Variants in PLEKHA6 observed in about 807,000 individuals in gnomAD.
PLEKHA6 encodes the protein pleckstrin homology domain containing A6.
In PLEKHA6, 60 loss-of-function variants were observed where a neutral mutation model predicts 116.7. The ratio of observed to expected loss-of-function variants is 0.51; its 90% CI spans 0.42 to 0.64. The LOEUF is 0.64. PLEKHA6 is among the 30% of genes least tolerant of loss of function. The probability of loss-of-function intolerance (pLI) is 0.00; values close to 1 mark genes in which losing one functional copy is unlikely to be tolerated. For synonymous variants in PLEKHA6, 489 were observed against 556.1 expected, an observed-to-expected ratio of 0.88 and a Z score of 1.70; for missense variants, 1,338 against 1,422.7, an observed-to-expected ratio of 0.94 and a Z score of 0.96.
At chr1:204,252,941 G>A (rs1386078004) in intron 9 of PLEKHA6, among the ~76,000 whole-genome samples, 1 of 152,234 alleles carries the variant, frequency 6.6e-6, no homozygotes, top group Non-Finnish European at 1.5e-5. Flanking sequence ...GCGAGCAGGA[G>A]TGTTCTCATC....
intron 15 of PLEKHA6, 29 bp from the exon 16 acceptor site, chr1:204,241,843 A>T: frequency 6.2e-7 from 1 of 1,613,278 alleles, no homozygotes; most frequent in Non-Finnish European, 8.5e-7. Context: ...AAGATGGTTG[A>T]TGTTAGTATG....
intron 2 of PLEKHA6, among the ~76,000 whole-genome samples, chr1:204,368,177 G>A (rs892773141): frequency 5.9e-5 from 9 of 152,264 alleles, no homozygotes; most frequent in African/African-American, 2.2e-4. Flanking sequence ...TCTACGATGC[G>A]CCAGGCCCTG....
intron 1 of PLEKHA6, chr1:204,320,487 G>A (rs1672019893): frequency 1.0e-6 from 1 of 983,666 alleles, no homozygotes; most frequent in South Asian, 4.7e-5. Context: ...CTCTGAGAAG[G>A]CTTGGTGCCT....
intron 17 of PLEKHA6, among the ~76,000 whole-genome samples, chr1:204,236,032 T>C (rs1351198230): frequency 5.3e-5 from 8 of 152,178 alleles, no homozygotes; most frequent in African/African-American, 1.4e-4. Flanking sequence ...GTGTGACCCA[T>C]GAGGAGGTAT....
intron 5 of PLEKHA6, among the ~76,000 whole-genome samples, chr1:204,266,277 C>G: frequency 6.6e-6 from 1 of 152,292 alleles, no homozygotes; most frequent in South Asian, 2.1e-4. Flanking sequence ...AGAGATGGAG[C>G]CCCTGCATGA....
intron 10 of PLEKHA6, 54 bp downstream of exon 10, chr1:204,250,492 G>T: frequency 8.1e-7 from 1 of 1,227,498 alleles, no homozygotes; most frequent in Non-Finnish European, 1.2e-6. Context: ...CCCCCGCAGA[G>T]GACAGCAGCA....
intron 15 of PLEKHA6, among the ~76,000 whole-genome samples, chr1:204,242,277 C>G (rs962345940): frequency 1.3e-5 from 2 of 152,156 alleles, no homozygotes; most frequent in African/African-American, 4.8e-5. Context: ...CTAGAAGAGA[C>G]CTCAGCCATC....
intron 1 of PLEKHA6, among the ~76,000 whole-genome samples, chr1:204,288,243 C>G (rs1050016313): frequency 6.6e-6 from 1 of 152,192 alleles, no homozygotes; most frequent in Non-Finnish European, 1.5e-5. Flanking sequence ...GCTGGCTGGC[C>G]TTAACCCCTT....
At chr1:204,355,307 AG>A (rs1471688252) in intron 1 of PLEKHA6, among the ~76,000 whole-genome samples, 2 of 152,288 alleles carry the variant, frequency 1.3e-5, no homozygotes, top group East Asian at 3.8e-4. Flanking sequence ...CTTATGAGAT[AG>A]GTAGCATTAT....
In PLEKHA6 at chr1:204,230,428, C is replaced by T. The variant is rs1196579567; in HGVS notation, c.2568G>A (p.Arg856=). The change falls in exon 18 of 23, where the codon CGG becomes CGA. Residue 856 remains arginine (R), a synonymous_variant. Coordinates refer to ENST00000272203, the MANE Select transcript of PLEKHA6 (RefSeq NM_014935.5). Reference sequence around the variant, plus strand: ...AAGGCATTACCACTTTGTAGGCTGGCCGGGGACTGGGGTCGGGGGCCGGGC... The same window carrying T: ...AAGGCATTACCACTTTGTAGGCTGGTCGGGGACTGGGGTCGGGGGCCGGGC... ...PASPAPDPSP[R]PAYKVVRRHR... is the part of the protein sequence containing the mutation. The T allele has an allele frequency of 6.3e-7, 1 of 1,581,326 alleles. No homozygotes were observed.
At chr1:204,265,144 C>A in intron 5 of PLEKHA6, 102 bp from the exon 6 acceptor site, 1 of 801,188 alleles carries the variant, frequency 1.2e-6, no homozygotes, top group Non-Finnish European at 2.2e-6. Flanking sequence ...TGATAAATAT[C>A]AATACATATT....
At chr1:204,274,966 C>T (rs1667851356) in intron 1 of PLEKHA6, 157 bp from the exon 2 acceptor site, 2 of 478,602 alleles carry the variant, frequency 4.2e-6, no homozygotes, top group Admixed American at 1.3e-4. Context: ...CCTGGGCTGA[C>T]ATCTGGATGA....
chr1:204,299,108 G>T (rs1670566953), intron 1 of PLEKHA6, among the ~76,000 whole-genome samples: 1 of 152,214 alleles, frequency 6.6e-6, no homozygotes, highest in Admixed American at 6.5e-5. Flanking sequence ...CCCCTCTGGG[G>T]CTTCAGCTGC....
At chr1:204,373,560 G>T (rs371463209) in intron 1 of PLEKHA6, among the ~76,000 whole-genome samples, 7 of 152,160 alleles carry the variant, frequency 4.6e-5, no homozygotes, top group African/African-American at 1.4e-4. Flanking sequence ...GTGTGTGGTC[G>T]TTTGATTCCA....
At chr1:204,338,731 A>T (rs1361715347) in intron 1 of PLEKHA6, among the ~76,000 whole-genome samples, 1 of 152,172 alleles carries the variant, frequency 6.6e-6, no homozygotes, top group Non-Finnish European at 1.5e-5. Flanking sequence ...ACTTCTGAAA[A>T]CGGGCAGGAT....
intron 1 of PLEKHA6, among the ~76,000 whole-genome samples, chr1:204,336,420 C>T (rs183251085): frequency 3.3e-5 from 5 of 152,322 alleles, no homozygotes; most frequent in African/African-American, 2.4e-5. Context: ...TTATCCAATA[C>T]GATCTTCTGC....
At chr1:204,343,857 C>G (rs1383422205) in intron 1 of PLEKHA6, among the ~76,000 whole-genome samples, 1 of 152,182 alleles carries the variant, frequency 6.6e-6, no homozygotes, top group African/African-American at 2.4e-5. Context: ...CAGTCCCTCC[C>G]CTATCCTGGT....
At chr1:204,241,549 G>C (rs1662821622) in intron 16 of PLEKHA6, 68 bp from the exon 17 acceptor site, 3 of 1,406,182 alleles carry the variant, frequency 2.1e-6, no homozygotes, top group African/African-American at 1.4e-5. Context: ...CCTTCTCAGA[G>C]ACAATCTCAG....
chr1:204,234,533 G>A (rs554974413), intron 17 of PLEKHA6, among the ~76,000 whole-genome samples: 1 of 152,224 alleles, frequency 6.6e-6, no homozygotes, highest in South Asian at 2.1e-4. Flanking sequence ...CGCACATTAT[G>A]ATAATTTTGT....
Sources: allele counts gnomAD v4.1 joint callset (sites outside exome capture counted in the v4.1 genomes callset), GRCh38; gene constraint gnomAD v4.1.1; transcripts MANE v1.5; gene names NCBI Gene and HGNC (gene_info 2026-07-23, HGNC 2026-07-21).